Variants in SH3BGRL2 observed in about 807,000 individuals in gnomAD.
SH3BGRL2 encodes SH3 domain binding glutamate rich protein like 2, also known as SH3 domain-binding glutamic acid-rich-like protein 2.
Under a neutral mutation model 14.8 loss-of-function variants are expected in SH3BGRL2, and 21 were observed. The observed-to-expected ratio is 1.42, with a 90% confidence interval of 1.01 to 2.05. SH3BGRL2 has a LOEUF of 2.05. Ranked by LOEUF, SH3BGRL2 falls within the 30% of genes most tolerant of loss-of-function variation. The pLI, the probability that SH3BGRL2 is intolerant of heterozygous loss-of-function variation, is 0.00. For missense variants in SH3BGRL2, 147 were observed against 130.8 expected (o/e 1.12, Z -0.61); for synonymous variants, 50 against 47.8 (o/e 1.05, Z -0.19).
chr6:79,699,571 A>C lies in SH3BGRL2; in HGVS notation c.*62A>C. ...AGCACCCCTGGTACTCAGCACACAC[A>C]TGCTTACCTAATGCATCACTGTGAC... is the stretch of plus-strand genomic sequence containing the variant. On this transcript the variant is annotated 3_prime_UTR_variant, in exon 4 of 4. Transcript: ENST00000369838. The C allele has an allele frequency of 6.7e-7, 1 of 1,489,968 alleles. No individual in the cohort carries two copies. Among genetic ancestry groups the C allele is most frequent in the Non-Finnish European group, 8.9e-7 (1 of 1,123,234 alleles). The allele number at this position is 1,489,968 out of a possible 1,614,324, so 92.3% of individuals were successfully genotyped here.
chr6:79,636,275 G>T (rs1306408323), intron 1 of SH3BGRL2, among the ~76,000 whole-genome samples: 1 of 152,152 alleles, frequency 6.6e-6, no homozygotes, highest in East Asian at 1.9e-4. Context: ...CTTCCTGTGG[G>T]CTCTGTAGCA....
At chr6:79,560,546 T>G in the SH3BGRL2 span, among the ~76,000 whole-genome samples, 3 of 152,170 alleles carry the variant, frequency 2.0e-5, no homozygotes, top group African/African-American at 7.2e-5. Context: ...AGCAAGACCT[T>G]GTCCAGAAAG....
At chr6:79,558,341 G>C in the SH3BGRL2 span, among the ~76,000 whole-genome samples, 12 of 152,102 alleles carry the variant, frequency 7.9e-5, no homozygotes, top group Non-Finnish European at 1.3e-4. Flanking sequence ...TGCTTAGGAT[G>C]TTGTATACAT....
At chr6:79,621,986 C>A in the SH3BGRL2 span, among the ~76,000 whole-genome samples, 2 of 151,794 alleles carry the variant, frequency 1.3e-5, no homozygotes, top group African/African-American at 2.4e-5. Flanking sequence ...GGTAACAAGC[C>A]CAAGGAAGAG....
intron 1 of SH3BGRL2, among the ~76,000 whole-genome samples, chr6:79,651,147 T>C (rs2127726443): frequency 6.6e-6 from 1 of 152,260 alleles, no homozygotes; most frequent in East Asian, 1.9e-4. Flanking sequence ...CGCACATTGA[T>C]AAGGACATGG....
chr6:79,702,463 C>T lies in SH3BGRL2; in HGVS notation c.*2954C>T, dbSNP rs1770481344. On this transcript the variant is annotated 3_prime_UTR_variant, in exon 4 of 4. Transcript: ENST00000369838. ...GTCTCTTAAAGCATTGGTGAAATCA[C>T]ATATTTTATATTCAGCATAAAGGAG... 1 of 152,534 alleles carries T rather than the reference C, an allele frequency of 6.6e-6. No homozygotes were observed. Among genetic ancestry groups the T allele is most frequent in the Non-Finnish European group, 1.5e-5 (1 of 68,032 alleles). 9.4% of individuals were successfully genotyped at this position (152,534 alleles called of 1,614,324 possible). A position where few individuals can be genotyped will look rare whatever the true frequency, so the allele number is the denominator to read the frequency against.
intron 2 of SH3BGRL2, among the ~76,000 whole-genome samples, chr6:79,678,761 C>G (rs1769933342): frequency 6.6e-6 from 1 of 152,202 alleles, no homozygotes; most frequent in South Asian, 2.1e-4. Context: ...TTTTTTGACG[C>G]ATATCCCCTT....
chr6:79,672,949 G>A lies in SH3BGRL2; in HGVS notation c.46-665G>A, dbSNP rs60835901. 7.6e-3 allele frequency among the ~76,000 whole-genome samples: 1,154 copies of A among 152,252 alleles called. 18 individuals are homozygous for A. The highest frequency in any genetic ancestry group is 0.026 in the African/African-American group (1,062 of 41,552). On this transcript the variant is annotated intron_variant, in intron 1 of 3. Coordinates refer to ENST00000369838, the MANE Select transcript of SH3BGRL2 (RefSeq NM_031469.4). ...GAAGTGGAGAACATTTTTCTCCTGTGAACTGATGAAAGGATGCTTTCATGG... is the reference window on the plus strand; with the variant it reads ...GAAGTGGAGAACATTTTTCTCCTGTAAACTGATGAAAGGATGCTTTCATGG...
intron 1 of SH3BGRL2, among the ~76,000 whole-genome samples, chr6:79,647,850 T>G (rs1289780648): frequency 6.6e-6 from 1 of 152,148 alleles, no homozygotes; most frequent in Non-Finnish European, 1.5e-5. Flanking sequence ...CCTGTTCTTT[T>G]TTGTCAAATA....
the SH3BGRL2 span, among the ~76,000 whole-genome samples, chr6:79,561,891 T>C: frequency 6.6e-6 from 1 of 152,114 alleles, no homozygotes; most frequent in Admixed American, 6.6e-5. Context: ...TACTGAACTT[T>C]GAGTAGAGGC....
rs933203854 is a variant in SH3BGRL2 at position 79,673,880 on chromosome 6, A to G, written c.231+81A>G. ...ACCTAGAGTGCAGGTGGGTTTTTCC[A>G]GTGAAGACTGTGACTTCTTCACCCA... On this transcript the variant is annotated intron_variant, in intron 2 of 3. Transcript: ENST00000369838. 8.4e-6 allele frequency: 12 copies of G among 1,425,406 alleles called. No individual in the cohort carries two copies. The South Asian group carries it at 1.5e-4, about 17-fold the overall frequency. The allele number at this position is 1,425,406 out of a possible 1,614,324, so 88.3% of individuals were successfully genotyped here.
At chr6:79,631,317 C>G (rs531750767), upstream of SH3BGRL2, 7 of 658,268 alleles carry the variant, frequency 1.1e-5, 1 homozygote, top group East Asian at 2.4e-4. Context: ...GCGGACCCGC[C>G]GGGAGGGAGC....
intron 1 of SH3BGRL2, among the ~76,000 whole-genome samples, chr6:79,647,707 T>C (rs1336058279): frequency 6.6e-6 from 1 of 152,102 alleles, no homozygotes; most frequent in African/African-American, 2.4e-5. Context: ...GATAGAAAAA[T>C]AGCAAATCTT....
At chr6:79,668,179 G>A (rs1392346016) in intron 1 of SH3BGRL2, among the ~76,000 whole-genome samples, 1 of 152,088 alleles carries the variant, frequency 6.6e-6, no homozygotes, top group African/African-American at 2.4e-5. Context: ...AAGTTAACTG[G>A]GATCCTCCCG....
chr6:79,701,464 G>T lies in SH3BGRL2; in HGVS notation c.*1955G>T, dbSNP rs1054548826. On this transcript the variant is annotated 3_prime_UTR_variant, in exon 4 of 4. Transcript: ENST00000369838. ...GGGTTATAGGATCAATACCATACTT[G>T]CTAGACAAAGCTACCCAGATTTGTC... The T allele has an allele frequency of 6.6e-6, 1 of 152,098 alleles. No homozygotes were observed. The highest frequency in any genetic ancestry group is 2.4e-5 in the African/African-American group (1 of 41,422). 9.4% of individuals were successfully genotyped at this position (152,098 alleles called of 1,614,324 possible).
At chr6:79,596,050 T>C in the SH3BGRL2 span, among the ~76,000 whole-genome samples, 1 of 152,274 alleles carries the variant, frequency 6.6e-6, no homozygotes, top group South Asian at 2.1e-4. Context: ...AAAATAAAAT[T>C]AAACAATTCC....
chr6:79,550,964 A>T, the SH3BGRL2 span, among the ~76,000 whole-genome samples: 2,808 of 152,290 alleles, frequency 0.018, 84 homozygotes, highest in African/African-American at 0.064. Flanking sequence ...ACCAGCGAAG[A>T]TTTTCTACAA....
intron 1 of SH3BGRL2, among the ~76,000 whole-genome samples, chr6:79,641,808 A>C (rs1235793982): frequency 1.3e-5 from 2 of 152,206 alleles, no homozygotes; most frequent in Non-Finnish European, 2.9e-5. Context: ...ACAGTCCAAA[A>C]ATTATATACA....
At chr6:79,657,726 C>T (rs1769453452) in intron 1 of SH3BGRL2, among the ~76,000 whole-genome samples, 1 of 151,944 alleles carries the variant, frequency 6.6e-6, no homozygotes, top group Non-Finnish European at 1.5e-5. Flanking sequence ...AAGCGATTCT[C>T]CTGCCTCAGC....
Sources: allele counts gnomAD v4.1 joint callset (sites outside exome capture counted in the v4.1 genomes callset), GRCh38; gene constraint gnomAD v4.1.1; transcripts MANE v1.5; gene names NCBI Gene and HGNC (gene_info 2026-07-23, HGNC 2026-07-21).